Variants in DMBT1 observed in about 807,000 individuals in gnomAD.
DMBT1 encodes deleted in malignant brain tumors 1.
In DMBT1, 198 loss-of-function variants were observed where a neutral mutation model predicts 252.9. The observed-to-expected ratio is 0.78, with a 90% CI of 0.70 to 0.88. DMBT1 has a LOEUF of 0.88. Among genes scored for constraint, DMBT1 ranks in the 40% least tolerant of loss-of-function variants. The pLI is 0.00. For synonymous variants in DMBT1, 990 were observed against 942.7 expected, an observed-to-expected ratio of 1.05 and a Z score of -0.92; for missense variants, 2,432 against 2,404.7, an observed-to-expected ratio of 1.01 and a Z score of -0.24.
intron 52 of DMBT1, among the ~76,000 whole-genome samples, chr10:122,634,352 C>CTTTCTTTCTTTCTTTCTTTCTTTA (rs1566001166): frequency 1.1e-5 from 1 of 90,632 alleles, no homozygotes; most frequent in Non-Finnish European, 2.3e-5. Flanking sequence ...TTCTTTCTTT[C>CTTTCTTTCTTTCTTTCTTTCTTTA]TTTCTTTCTT....
chr10:122,592,158 G>A (rs886977186), intron 19 of DMBT1, 114 bp from the exon 20 acceptor site: 11 of 1,468,150 alleles, frequency 7.5e-6, no homozygotes, highest in South Asian at 1.4e-5. Context: ...GTATTCAATC[G>A]TGACTGCTTG....
chr10:122,639,831 C>T (rs548722347), intron 54 of DMBT1, among the ~76,000 whole-genome samples: 1 of 152,274 alleles, frequency 6.6e-6, no homozygotes, highest in Admixed American at 6.5e-5. Context: ...GTGGGTCTTC[C>T]CCAGACCTGG....
At chr10:122,600,674 G>A (rs142976071) in intron 27 of DMBT1, among the ~76,000 whole-genome samples, 16 of 152,302 alleles carry the variant, frequency 1.1e-4, no homozygotes, top group Non-Finnish European at 1.6e-4. Context: ...GCCAGTGTCC[G>A]AGCCTCAGCA....
chr10:122,592,563 G>C lies in DMBT1; in HGVS notation c.2468G>C (p.Gly823Ala). ...AATGGCTGGCTCTCCCACAACTGTG[G>C]CCATCATGAAGATGCTGGTGTCATC... is the stretch of plus-strand genomic sequence containing the variant. ...PHNGWLSHNC[G>A]HHEDAGVICS... Residue 823 changes from glycine to alanine, a missense_variant, in exon 20 of 56, where the codon GGC (glycine) becomes GCC (alanine). Around this residue, in one of 3 missense-constraint regions of DMBT1, gnomAD observed 1,264 missense variants for 1,082.2 expected, o/e 1.17. Transcript: ENST00000338354. 2 of 1,588,430 alleles carry C rather than the reference G, an allele frequency of 1.3e-6. No homozygotes were observed. Among genetic ancestry groups the C allele is most frequent in the Non-Finnish European group, 1.7e-6 (2 of 1,165,670 alleles).
chr10:122,587,531 A>ATTT (rs113740261), intron 16 of DMBT1, among the ~76,000 whole-genome samples: 2 of 145,076 alleles, frequency 1.4e-5, no homozygotes, highest in African/African-American at 4.9e-5. Flanking sequence ...CAGGCTGGAT[A>ATTT]TTTTTTTTTT....
intron 9 of DMBT1, among the ~76,000 whole-genome samples, chr10:122,579,136 G>A (rs2097741256): frequency 6.6e-6 from 1 of 152,124 alleles, no homozygotes; most frequent in Admixed American, 6.5e-5. Context: ...CAAGTGGTCA[G>A]AAAAGATCCT....
At position 122,618,356 on chromosome 10, in the gene DMBT1, C is replaced by T. The variant is rs1302386719; in HGVS notation, c.5215+16C>T. On this transcript the variant is annotated intron_variant, in intron 41 of 55. Transcript: ENST00000338354. Reference sequence around the variant, plus strand: ...ATCTGCTCAGGTGGGCTTTCAAGACCTTGGGCTCCCTCTCTTAAGTTGAAG... The same window carrying T: ...ATCTGCTCAGGTGGGCTTTCAAGACTTTGGGCTCCCTCTCTTAAGTTGAAG... 1.2e-6 allele frequency: 2 copies of T among 1,613,738 alleles called. No homozygotes were observed. The highest frequency in any genetic ancestry group is 1.7e-6 in the Non-Finnish European group (2 of 1,179,780).
chr10:122,600,611 C>A (rs144834555), intron 27 of DMBT1, among the ~76,000 whole-genome samples: 1 of 152,148 alleles, frequency 6.6e-6, no homozygotes, highest in Admixed American at 6.5e-5. Flanking sequence ...TAACCAGAAA[C>A]CTGATTCCTG....
chr10:122,585,638 A>T (rs1055649660), intron 15 of DMBT1, among the ~76,000 whole-genome samples: 4 of 148,634 alleles, frequency 2.7e-5, no homozygotes, highest in Admixed American at 2.0e-4. Context: ...AGAGGTGTGA[A>T]GAGTCAGTGA....
rs201469950 is a variant in DMBT1 at position 122,633,274 on chromosome 10, G to T, written c.6481G>T (p.Ala2161Ser). The T allele has an allele frequency of 4.9e-5, 79 of 1,614,008 alleles. No homozygotes were observed. In the African/African-American group the frequency reaches 1.0e-3, roughly 21 times the overall value. Residue 2161 changes from alanine to serine, a missense_variant, in exon 52 of 56, where the codon GCC becomes TCC. Physicochemically the swap from Ala to Ser is moderately conservative, Grantham distance 99. This residue lies in a region of DMBT1 where 1,162 missense variants were observed against 1,169.0 expected (regional missense o/e 0.99). Transcript: ENST00000338354. ...CTATCCCGGGAACTATCCAAACAAT[G>T]CCAAGTGTGTGTGGGACATTGAGGT... ...PFYPGNYPNNAKCVWDIEVQN... is the reference protein window; with the variant it reads ...PFYPGNYPNNSKCVWDIEVQN...
rs1289688687 is a variant in DMBT1 at position 122,579,898 on chromosome 10, T to A, written c.1000T>A (p.Ser334Thr). The change falls in exon 10 of 56, where the codon TCA becomes ACA. Residue 334 changes from serine to threonine, a missense_variant. Around this residue, in one of 3 missense-constraint regions of DMBT1, gnomAD observed 1,264 missense variants for 1,082.2 expected, o/e 1.17. Transcript: ENST00000338354. ...GHSEDAGVIC[S>T]APQSRPTPSP... ...TAGTGAAGACGCTGGTGTCATCTGC[T>A]CAGGTGGGCCTTCAAGAACTTGGGC... 6.2e-7 allele frequency: 1 copy of A among 1,613,710 alleles called. No homozygotes were observed. Among genetic ancestry groups the A allele is most frequent in the African/African-American group, 1.3e-5 (1 of 74,922 alleles).
At chr10:122,625,115 T>G (rs1431605454) in intron 44 of DMBT1, among the ~76,000 whole-genome samples, 162 bp from the exon 45 acceptor site, 2 of 152,336 alleles carry the variant, frequency 1.3e-5, no homozygotes, top group Admixed American at 6.5e-5. Context: ...CCAACATCTT[T>G]TTTTGAGACT....
chr10:122,589,302 G>C (rs769040433), intron 17 of DMBT1, 35 bp downstream of exon 17: 3 of 1,587,176 alleles, frequency 1.9e-6, no homozygotes, highest in East Asian at 4.7e-5. Context: ...CCTCTCTTGG[G>C]GTAGATTTTG....
intron 54 of DMBT1, 103 bp downstream of exon 54, chr10:122,637,415 G>T: frequency 7.9e-7 from 1 of 1,268,458 alleles, no homozygotes; most frequent in Non-Finnish European, 1.1e-6. Flanking sequence ...TATGATTTTG[G>T]GATAATCAGG....
At chr10:122,639,663 G>T (rs1591621878) in intron 54 of DMBT1, among the ~76,000 whole-genome samples, 1 of 152,196 alleles carries the variant, frequency 6.6e-6, no homozygotes, top group Admixed American at 6.5e-5. Context: ...GGGCTCAGAG[G>T]CCTGACAAAA....
In DMBT1 at chr10:122,643,278, C is replaced by A; in HGVS notation, c.7509C>A (p.Cys2503Ter). 6.2e-7 allele frequency: 1 copy of A among 1,613,988 alleles called. No homozygotes were observed. The highest frequency in any genetic ancestry group is 8.5e-7 in the Non-Finnish European group (1 of 1,179,896). Reference sequence around the variant, plus strand: ...GAGCGTATGACCCCTCTTCCCGCTGCTACCGAGGCTGTGTGTTGAGGTCGA... The same window carrying A: ...GAGCGTATGACCCCTCTTCCCGCTGATACCGAGGCTGTGTGTTGAGGTCGA... ...VCRAYDPSSR[C>*]YRGCVLRSKR... Residue 2503 changes from cysteine (C) to a stop codon, truncating the protein, a stop_gained, in exon 56 of 56, where the codon TGC (cysteine) becomes TGA (stop). Transcript: ENST00000338354. LOFTEE classifies it low-confidence loss of function (END_TRUNC).
rs775808410 is a variant in DMBT1 at position 122,589,147 on chromosome 10, C to G, written c.1987C>G (p.Pro663Ala). ...TGCCCGGTTTGGTCAGGGCTCAGGA[C>G]CCATTGTCCTGGATGATGTGCGCTG... ...GNARFGQGSG[P>A]IVLDDVRCSG... Residue 663 changes from proline (P) to alanine (A), a missense_variant, in exon 17 of 56, where the codon CCC (proline) becomes GCC (alanine). Physicochemically the swap from Pro to Ala is conservative, Grantham distance 27. Coordinates refer to ENST00000338354, the MANE Select transcript of DMBT1 (RefSeq NM_001377530.1). 3 of 1,588,420 alleles carry G rather than the reference C, an allele frequency of 1.9e-6. No individual in the cohort carries two copies. The highest frequency in any genetic ancestry group is 1.7e-4 in the Middle Eastern group (1 of 6,008).
chr10:122,618,420 C>T, intron 41 of DMBT1, 80 bp downstream of exon 41: 1 of 1,604,210 alleles, frequency 6.2e-7, no homozygotes, highest in East Asian at 2.2e-5. Context: ...TTCTGATCTC[C>T]TCACTCAAAG....
Position 122,597,886 on chromosome 10 carries a change from A to T in DMBT1, c.2918-88A>T, listed in dbSNP as rs996029401. 45 of 1,598,962 alleles carry T rather than the reference A, an allele frequency of 2.8e-5. No homozygotes were observed. In the South Asian group the frequency reaches 3.5e-4, roughly 13 times the overall value. ...AGGAACCAGAAGTGGGGTAGTTTTC[A>T]TGATGTTTGCCTTCTCCGGAGACCT... On this transcript the variant is annotated intron_variant, in intron 24 of 55. Transcript: ENST00000338354.
Sources: allele counts gnomAD v4.1 joint callset (sites outside exome capture counted in the v4.1 genomes callset), GRCh38; gene constraint gnomAD v4.1.1; regional missense constraint gnomAD v4.1.1; transcripts MANE v1.5; gene names NCBI Gene and HGNC (gene_info 2026-07-23, HGNC 2026-07-21).